The following TCERG1L variants were observed in gnomAD, a reference collection of about 807,000 sequenced individuals.
TCERG1L encodes transcription elongation regulator 1 like.
Under a neutral mutation model 56.3 loss-of-function variants are expected in TCERG1L, and 37 were observed. The ratio of observed to expected loss-of-function variants is 0.66; its 90% confidence interval spans 0.51 to 0.87. The LOEUF (loss-of-function observed/expected upper bound fraction) is 0.87. Among genes scored for constraint, TCERG1L ranks in the 40% least tolerant of loss-of-function variants. TCERG1L has a pLI of 0.00. For synonymous variants in TCERG1L, 324 were observed against 326.3 expected (o/e 0.99, Z 0.08); for missense variants, 799 against 774.2 (o/e 1.03, Z -0.38).
chr10:131,111,056 G>C lies in TCERG1L; in HGVS notation c.1395+5743C>G, dbSNP rs183007780. On this transcript the variant is annotated intron_variant, in intron 9 of 11. Coordinates refer to ENST00000368642, the MANE Select transcript of TCERG1L (RefSeq NM_174937.4). The stretch of plus-strand genomic sequence containing the variant: ...CTGATGACCAGAGAAAAGGGCGAAA[G>C]CTAGCAAAAGGATGGCACCTGCCGA... 1.3e-4 allele frequency among the ~76,000 whole-genome samples: 18 copies of C among 143,646 alleles called. 4 individuals carry two copies. In the East Asian group the frequency reaches 4.2e-3, roughly 34 times the overall value. The allele number at this position is 143,646 out of a possible 152,430, so 94.2% of individuals were successfully genotyped here.
intron 3 of TCERG1L, among the ~76,000 whole-genome samples, chr10:131,293,738 CT>C (rs933087573): frequency 6.6e-6 from 1 of 152,214 alleles, no homozygotes; most frequent in Non-Finnish European, 1.5e-5. Flanking sequence ...ATAAATCTGT[CT>C]TTAACTGTTA....
At chr10:131,300,678 T>C (rs953322042) in intron 3 of TCERG1L, among the ~76,000 whole-genome samples, 3 of 152,252 alleles carry the variant, frequency 2.0e-5, no homozygotes, top group Non-Finnish European at 4.4e-5. Flanking sequence ...TATCTGATAA[T>C]TCTAACATCT....
rs1371206064 is a variant in TCERG1L at position 131,291,397 on chromosome 10, ATTTCTTTTTTTTTTTTTTTT to A, written c.670+16794_670+16813del. 3.7e-3 allele frequency among the ~76,000 whole-genome samples: 220 copies of A among 60,226 alleles called. 7 individuals carry two copies. In the East Asian group the frequency reaches 0.06, roughly 16 times the overall value. 39.5% of individuals were successfully genotyped at this position (60,226 alleles called of 152,430 possible). On this transcript the variant is annotated intron_variant, in intron 3 of 11. Transcript: ENST00000368642. The stretch of plus-strand genomic sequence containing the variant: ...CTCATGTGTATATTCCATAAACAGC[ATTTCTTTTTTTTTTTTTTTT>A]TTTTTTTTTTTTTTTTTTTTTTTTT...
At position 131,283,252 on chromosome 10, in the gene TCERG1L, T is replaced by C. The variant is rs573118592; in HGVS notation, c.671-22808A>G. ...CCTCCAAGAAGTCGACTTCTTTCCA[T>C]TTCCCAGGAAACCTGTCTTAGGTCT... On this transcript the variant is annotated intron_variant, in intron 3 of 11. Coordinates refer to ENST00000368642, the MANE Select transcript of TCERG1L (RefSeq NM_174937.4). Among the ~76,000 whole-genome samples, 5 of 152,296 alleles carry C rather than the reference T, an allele frequency of 3.3e-5. No homozygotes were observed. The East Asian group carries it at 9.6e-4, about 29-fold the overall frequency.
intron 9 of TCERG1L, among the ~76,000 whole-genome samples, chr10:131,113,296 C>T (rs916475853): frequency 7.0e-6 from 1 of 142,450 alleles, no homozygotes; most frequent in African/African-American, 2.5e-5. Context: ...AAGGCACCTT[C>T]AAGGATGCTG....
intron 4 of TCERG1L, among the ~76,000 whole-genome samples, chr10:131,179,421 C>G (rs1279317525): frequency 6.6e-6 from 1 of 152,180 alleles, no homozygotes; most frequent in African/African-American, 2.4e-5. Context: ...GAAGAATGTG[C>G]CCCGCAGGGC....
chr10:131,119,853 G>T (rs1845496175), intron 8 of TCERG1L, among the ~76,000 whole-genome samples: 1 of 152,208 alleles, frequency 6.6e-6, no homozygotes, highest in Non-Finnish European at 1.5e-5. Context: ...GCGAGCCAGG[G>T]AGGTAGCCTT....
At chr10:131,176,052 GCTT>G (rs1438999968) in intron 4 of TCERG1L, among the ~76,000 whole-genome samples, 1 of 152,226 alleles carries the variant, frequency 6.6e-6, no homozygotes, top group African/African-American at 2.4e-5. Flanking sequence ...CAGACGGAGA[GCTT>G]CAGTCTGTCG....
chr10:131,297,149 AAACAT>A (rs1441435355), intron 3 of TCERG1L, among the ~76,000 whole-genome samples: 8 of 152,212 alleles, frequency 5.3e-5, no homozygotes, highest in Admixed American at 5.2e-4. Context: ...CTTAGAGGGA[AAACAT>A]TATCCTTCCA....
chr10:131,215,448 C>T (rs539912615), intron 4 of TCERG1L, among the ~76,000 whole-genome samples: 22 of 152,276 alleles, frequency 1.4e-4, no homozygotes, highest in African/African-American at 2.9e-4. Context: ...ATGGAATCCA[C>T]GTAATTGGTA....
intron 4 of TCERG1L, among the ~76,000 whole-genome samples, chr10:131,233,200 C>T (rs947699089): frequency 2.0e-5 from 3 of 152,060 alleles, no homozygotes; most frequent in Non-Finnish European, 2.9e-5. Context: ...GATCATACAT[C>T]GCGAGAGACA....
At chr10:131,246,939 C>G (rs1846046260) in intron 4 of TCERG1L, among the ~76,000 whole-genome samples, 1 of 152,146 alleles carries the variant, frequency 6.6e-6, no homozygotes. Flanking sequence ...TGCGGCACAA[C>G]AGATTCCCAA....
intron 6 of TCERG1L, among the ~76,000 whole-genome samples, chr10:131,147,851 C>G (rs182455991): frequency 6.6e-6 from 1 of 152,232 alleles, no homozygotes; most frequent in African/African-American, 2.4e-5. Context: ...CGCACAGGTT[C>G]GGGAGGAGCT....
chr10:131,122,279 T>A (rs1845521837), intron 8 of TCERG1L, among the ~76,000 whole-genome samples: 2 of 152,172 alleles, frequency 1.3e-5, no homozygotes, highest in South Asian at 4.1e-4. Context: ...GCTGCACTAA[T>A]GAGGCCACTC....
At chr10:131,104,048 G>A (rs2133381803) in intron 10 of TCERG1L, among the ~76,000 whole-genome samples, 1 of 152,260 alleles carries the variant, frequency 6.6e-6, no homozygotes, top group Admixed American at 6.5e-5. Flanking sequence ...AAAAGTATTT[G>A]TCTTCCAGGG....
At chr10:131,250,980 C>T (rs913031903) in intron 4 of TCERG1L, among the ~76,000 whole-genome samples, 1 of 152,180 alleles carries the variant, frequency 6.6e-6, no homozygotes, top group Non-Finnish European at 1.5e-5. Flanking sequence ...CCGCTTCCCA[C>T]CTGTGCTTCT....
intron 4 of TCERG1L, among the ~76,000 whole-genome samples, chr10:131,193,852 A>AT (rs1037996165): frequency 6.6e-5 from 10 of 152,000 alleles, no homozygotes; most frequent in Admixed American, 6.5e-5. Flanking sequence ...GAATTTTAGA[A>AT]TTTTTTTTCT....
Position 131,227,366 on chromosome 10 carries a change from G to A in TCERG1L, c.856+32893C>T, listed in dbSNP as rs571559300. Among the ~76,000 whole-genome samples, 9 of 152,340 alleles carry A rather than the reference G, an allele frequency of 5.9e-5. No homozygotes were observed. In the South Asian group the frequency reaches 8.3e-4, roughly 14 times the overall value. ...GTAGAGTCCCCTTGGGTGGACACGC[G>A]GTGTGGGCAGAGCTGGACCAAGTCA... On this transcript the variant is annotated intron_variant, in intron 4 of 11. Transcript: ENST00000368642.
At chr10:131,297,849 ATTATAGT>A (rs1294016927) in intron 3 of TCERG1L, among the ~76,000 whole-genome samples, 1 of 152,034 alleles carries the variant, frequency 6.6e-6, no homozygotes, top group Non-Finnish European at 1.5e-5. Context: ...TGCATTTATG[ATTATAGT>A]TTATATTTTC....
Sources: gnomAD v4.1 joint callset for allele counts (sites outside exome capture counted in the v4.1 genomes callset) on GRCh38, gnomAD v4.1.1 for gene constraint, MANE v1.5 for transcripts, NCBI Gene and HGNC (gene_info 2026-07-23, HGNC 2026-07-21) for gene names.